Variants in LIN7A observed in about 807,000 individuals in gnomAD.
LIN7A encodes lin-7 cell polarity scaffold A, also known as protein lin-7 homolog A.
Under a neutral mutation model 29.8 loss-of-function variants are expected in LIN7A, and 25 were observed. The observed-to-expected ratio is 0.84, with a 90% CI of 0.61 to 1.17. The LOEUF is 1.17. Ranked by LOEUF, LIN7A falls within the 50% of genes most tolerant of loss-of-function variation. The probability of loss-of-function intolerance (pLI) is 0.00; values close to 1 mark genes in which losing one functional copy is unlikely to be tolerated. For synonymous variants in LIN7A, 118 were observed against 107.5 expected (o/e 1.10, Z -0.60); for missense variants, 239 against 287.0 (o/e 0.83, Z 1.21).
intron 1 of LIN7A, among the ~76,000 whole-genome samples, chr12:80,932,548 T>A (rs1877971748): frequency 6.6e-6 from 1 of 152,258 alleles, no homozygotes; most frequent in African/African-American, 2.4e-5. Context: ...TGGAAGCTAC[T>A]AATCATGTCA....
At chr12:80,803,908 G>T (rs1356576283) in intron 5 of LIN7A, among the ~76,000 whole-genome samples, 1 of 152,150 alleles carries the variant, frequency 6.6e-6, no homozygotes, top group African/African-American at 2.4e-5. Flanking sequence ...TGTCTGTGAA[G>T]TGGGGTCAGG....
intron 1 of LIN7A, among the ~76,000 whole-genome samples, chr12:80,907,214 T>C (rs1417042548): frequency 1.3e-5 from 2 of 152,166 alleles, no homozygotes; most frequent in African/African-American, 4.8e-5. Context: ...ATCAGTCTGA[T>C]TTTATTGTGT....
intron 5 of LIN7A, among the ~76,000 whole-genome samples, chr12:80,804,681 G>T (rs368670522): frequency 1.6e-4 from 24 of 151,932 alleles, no homozygotes; most frequent in African/African-American, 5.3e-4. Context: ...TGGGATTATA[G>T]GCGTGTGTCA....
intron 5 of LIN7A, among the ~76,000 whole-genome samples, chr12:80,807,090 T>TTTTTTTTTTTTTTTTTTTTTTTTTGGGG (rs1871075314): frequency 6.9e-6 from 1 of 144,704 alleles, no homozygotes. Flanking sequence ...TTTTTTTTTT[T>TTTTTTTTTTTTTTTTTTTTTTTTTGGGG]TGACGGAGTC....
chr12:80,825,237 G>A (rs1314004846), intron 4 of LIN7A, among the ~76,000 whole-genome samples: 3 of 152,222 alleles, frequency 2.0e-5, no homozygotes, highest in Non-Finnish European at 4.4e-5. Context: ...GATAAGAAAA[G>A]TTTGAAACAG....
chr12:80,833,808 A>C (rs1288149182), intron 4 of LIN7A, among the ~76,000 whole-genome samples: 1 of 152,048 alleles, frequency 6.6e-6, no homozygotes, highest in African/African-American at 2.4e-5. Flanking sequence ...TATATATACC[A>C]TTTCCTCTAC....
intron 1 of LIN7A, among the ~76,000 whole-genome samples, chr12:80,905,190 A>ATTTTTTTTTTTTTTTTTT (rs5799497): frequency 6.7e-6 from 1 of 150,034 alleles, no homozygotes; most frequent in Non-Finnish European, 1.5e-5. Context: ...ATTTCCAAGG[A>ATTTTTTTTTTTTTTTTTT]TTTTTTTTTT....
intron 5 of LIN7A, among the ~76,000 whole-genome samples, chr12:80,798,092 G>C (rs1267332524): frequency 2.0e-5 from 3 of 152,176 alleles, no homozygotes; most frequent in African/African-American, 4.8e-5. Context: ...TAGTGCTTTT[G>C]TTGAGGTAGA....
chr12:80,842,437 G>T (rs1432284668), intron 4 of LIN7A, among the ~76,000 whole-genome samples: 1 of 152,048 alleles, frequency 6.6e-6, no homozygotes, highest in South Asian at 2.1e-4. Flanking sequence ...AAAGTTCAGA[G>T]AACTTATACT....
intron 4 of LIN7A, chr12:80,832,424 T>A (rs1592872971): frequency 2.4e-6 from 1 of 424,958 alleles, no homozygotes; most frequent in Non-Finnish European, 4.8e-6. Context: ...TGGCAAGCTG[T>A]CAATTGCTTT....
chr12:80,908,740 A>G (rs1174389317), intron 1 of LIN7A, among the ~76,000 whole-genome samples: 1 of 152,052 alleles, frequency 6.6e-6, no homozygotes, highest in Non-Finnish European at 1.5e-5. Flanking sequence ...CTAAATACTA[A>G]TGATGTTGAC....
In LIN7A at chr12:80,937,141, G is replaced by C. The variant is rs1177862488; in HGVS notation, c.82+500C>G. The C allele has an allele frequency of 2.6e-5, 4 of 153,462 alleles. No homozygotes were observed. The Admixed American group carries it at 2.6e-4, about 10-fold the overall frequency. 9.5% of individuals were successfully genotyped at this position (153,462 alleles called of 1,614,324 possible). On this transcript the variant is annotated intron_variant, in intron 1 of 5. Coordinates refer to ENST00000552864, the MANE Select transcript of LIN7A (RefSeq NM_004664.4). ...CGCCCAGCCCGCCCCCCGAGTGGCC[G>C]CCGGGACTCCAGCAGTTGGACCGAC...
At position 80,796,754 on chromosome 12, in the gene LIN7A, T is replaced by G. The variant is rs1870468057; in HGVS notation, c.*973A>C. The G allele has an allele frequency of 6.6e-6, 1 of 152,144 alleles. No individual in the cohort carries two copies. Among genetic ancestry groups the G allele is most frequent in the Admixed American group, 6.6e-5 (1 of 15,264 alleles). 9.4% of individuals were successfully genotyped at this position (152,144 alleles called of 1,614,324 possible). On this transcript the variant is annotated 3_prime_UTR_variant, in exon 6 of 6. Coordinates refer to ENST00000552864, the MANE Select transcript of LIN7A (RefSeq NM_004664.4). ...AGCTTTAAAATATGAAATAGGCTTC[T>G]ATGACAGCACATCAGTGTGAGTAGA...
intron 2 of LIN7A, among the ~76,000 whole-genome samples, chr12:80,880,751 G>GCGCA (rs569919982): frequency 9.5e-5 from 13 of 136,160 alleles, no homozygotes; most frequent in Non-Finnish European, 2.0e-4. Context: ...AGGAGGCAAC[G>GCGCA]CACACACACA....
chr12:80,819,252 T>C (rs1196140805), intron 4 of LIN7A, among the ~76,000 whole-genome samples: 1 of 152,238 alleles, frequency 6.6e-6, no homozygotes, highest in East Asian at 1.9e-4. Context: ...GTAGTATACA[T>C]TATTCAGAAA....
At chr12:80,863,937 G>C (rs1251683135) in intron 2 of LIN7A, among the ~76,000 whole-genome samples, 1 of 151,942 alleles carries the variant, frequency 6.6e-6, no homozygotes, top group African/African-American at 2.4e-5. Context: ...TTCCTTTGAA[G>C]AAAAGGCAGC....
At chr12:80,831,859 A>G (rs1872365529) in intron 4 of LIN7A, among the ~76,000 whole-genome samples, 1 of 152,214 alleles carries the variant, frequency 6.6e-6, no homozygotes, top group African/African-American at 2.4e-5. Flanking sequence ...ATAGCAAAAT[A>G]ATAATTATCA....
intron 2 of LIN7A, among the ~76,000 whole-genome samples, chr12:80,871,831 A>C (rs1460809773): frequency 6.6e-6 from 1 of 151,888 alleles, no homozygotes. Flanking sequence ...TAGGAATTCA[A>C]TGAGGAAAAC....
chr12:80,873,181 T>C (rs1874507304), intron 2 of LIN7A, among the ~76,000 whole-genome samples: 1 of 152,118 alleles, frequency 6.6e-6, no homozygotes, highest in Admixed American at 6.5e-5. Flanking sequence ...AAAAATAACC[T>C]AATCTATTTG....
Sources: allele counts gnomAD v4.1 joint callset (sites outside exome capture counted in the v4.1 genomes callset), GRCh38; gene constraint gnomAD v4.1.1; transcripts MANE v1.5; gene names NCBI Gene and HGNC (gene_info 2026-07-23, HGNC 2026-07-21).